Variants in SSX2IP observed in about 807,000 individuals in gnomAD.
The protein encoded by SSX2IP is SSX family member 2 interacting protein.
A neutral mutation model predicts 84.9 loss-of-function variants in SSX2IP; 55 were observed. That is an observed-to-expected ratio of 0.65 (90% CI 0.52 to 0.81). SSX2IP has a LOEUF of 0.81. SSX2IP is among the 30% of genes least tolerant of loss of function. SSX2IP has a pLI of 0.00. For missense variants in SSX2IP, 664 were observed against 705.2 expected (o/e 0.94, Z 0.66); for synonymous variants, 239 against 234.7 (o/e 1.02, Z -0.17).
At chr1:84,670,265 A>G (rs1653368221) in intron 3 of SSX2IP, 1 of 174,532 alleles carries the variant, frequency 5.7e-6, no homozygotes, top group African/African-American at 2.4e-5. Flanking sequence ...CTTTTCTTAG[A>G]AAAATAGAAA....
intron 13 of SSX2IP, among the ~76,000 whole-genome samples, chr1:84,648,871 C>T (rs2102134050): frequency 6.6e-6 from 1 of 152,288 alleles, no homozygotes; most frequent in South Asian, 2.1e-4. Context: ...CAAATCCAAG[C>T]ATTTCTTCCT....
chr1:84,681,657 A>C (rs371775327), intron 1 of SSX2IP, among the ~76,000 whole-genome samples: 57 of 152,358 alleles, frequency 3.7e-4, no homozygotes, highest in African/African-American at 1.3e-3. Flanking sequence ...ATTCAAGCAC[A>C]ATTAAATGAG....
chr1:84,667,057 C>CT (rs147814993), intron 4 of SSX2IP, among the ~76,000 whole-genome samples: 1,575 of 151,690 alleles, frequency 0.01, 23 homozygotes, highest in South Asian at 0.022. Context: ...TTTTGGCAAC[C>CT]TTTTTTTTTG....
intron 13 of SSX2IP, among the ~76,000 whole-genome samples, chr1:84,649,342 C>G (rs1023500309): frequency 2.0e-5 from 3 of 152,216 alleles, no homozygotes; most frequent in African/African-American, 7.2e-5. Flanking sequence ...GTCCCACCCT[C>G]AGGGTTCCTA....
chr1:84,662,078 T>C (rs964475307), intron 8 of SSX2IP, 120 bp downstream of exon 8: 57 of 642,724 alleles, frequency 8.9e-5, no homozygotes, highest in Middle Eastern at 8.9e-4. Flanking sequence ...GAAAGTAGCA[T>C]AGCAGTTGAG....
rs1432286846 is a variant in SSX2IP at position 84,647,023 on chromosome 1, C to T, written c.*410G>A. ...CACACTAAACATAATAAATATAGAA[C>T]TCGCTTTGTTAAAAATCTACAGTAT... On this transcript the variant is annotated 3_prime_UTR_variant, in exon 14 of 14. Transcript: ENST00000342203. The T allele has an allele frequency of 6.5e-6, 1 of 153,534 alleles. No homozygotes were observed. The highest frequency in any genetic ancestry group is 1.5e-5 in the Non-Finnish European group (1 of 68,752). The allele number at this position is 153,534 out of a possible 1,614,324, so 9.5% of individuals were successfully genotyped here.
chr1:84,686,962 C>A (rs1160954852), intron 1 of SSX2IP, among the ~76,000 whole-genome samples: 1 of 151,810 alleles, frequency 6.6e-6, no homozygotes, highest in Non-Finnish European at 1.5e-5. Flanking sequence ...CTTTATTAGA[C>A]GCTCATGGAT....
intron 4 of SSX2IP, among the ~76,000 whole-genome samples, chr1:84,668,953 CTTGGA>C (rs775629580): frequency 2.0e-5 from 3 of 152,072 alleles, no homozygotes; most frequent in African/African-American, 4.8e-5. Flanking sequence ...AAAAATTTGA[CTTGGA>C]TTGATTTATA....
intron 8 of SSX2IP, among the ~76,000 whole-genome samples, chr1:84,661,653 A>G (rs1173664753): frequency 6.6e-6 from 1 of 152,186 alleles, no homozygotes; most frequent in Non-Finnish European, 1.5e-5. Context: ...AAGAACACCC[A>G]ATAAATTTAT....
intron 8 of SSX2IP, among the ~76,000 whole-genome samples, chr1:84,660,674 A>G (rs1651816724): frequency 1.3e-5 from 2 of 151,982 alleles, no homozygotes; most frequent in Admixed American, 6.6e-5. Context: ...CTGAGGCAGG[A>G]GAATTGCTTG....
At chr1:84,669,232 A>T (rs1321993010) in intron 4 of SSX2IP, among the ~76,000 whole-genome samples, 1 of 151,826 alleles carries the variant, frequency 6.6e-6, no homozygotes, top group African/African-American at 2.4e-5. Context: ...TTTTCCAGAG[A>T]CCCAGGGCTT....
intron 1 of SSX2IP, among the ~76,000 whole-genome samples, chr1:84,681,832 G>A (rs1570727744): frequency 6.6e-6 from 1 of 152,130 alleles, no homozygotes; most frequent in Admixed American, 6.5e-5. Flanking sequence ...TCATACCTGA[G>A]GGAATGTCTG....
At position 84,643,841 on chromosome 1, in the gene SSX2IP, T is replaced by C. The variant is rs1016296703; in HGVS notation, c.*3592A>G. 2.0e-5 allele frequency: 3 copies of C among 152,176 alleles called. No homozygotes were observed. The highest frequency in any genetic ancestry group is 2.4e-5 in the African/African-American group (1 of 41,442). 9.4% of individuals were successfully genotyped at this position (152,176 alleles called of 1,614,324 possible). On this transcript the variant is annotated 3_prime_UTR_variant, in exon 14 of 14. Coordinates refer to ENST00000342203, the MANE Select transcript of SSX2IP (RefSeq NM_001166293.2). The stretch of plus-strand genomic sequence containing the variant: ...TCAGGAGCTTCATATGTCACTGACA[T>C]TACAGTACTTCCTGAGCTCTCAGGA...
chr1:84,682,354 G>A lies in SSX2IP; in HGVS notation c.-90+8017C>T, dbSNP rs572259132. Among the ~76,000 whole-genome samples the A allele has an allele frequency of 3.3e-3, 509 of 152,046 alleles. 1 individual carries two copies. The highest frequency in any genetic ancestry group is 5.7e-3 in the Non-Finnish European group (390 of 67,972). On this transcript the variant is annotated intron_variant, in intron 1 of 13. Transcript: ENST00000342203. ...GTTATGTACTGAGAAACCTTGAACC[G>A]GTCATAATTTCTTTGGGTTTCAATT...
At position 84,656,480 on chromosome 1, in the gene SSX2IP, T is replaced by TG. The variant is rs768364463; in HGVS notation, c.1082dup (p.Val363GlyfsTer7). ...CATTAAAACCTTCCAGGTGTACCTT[T>TG]GAAACTAAGACAAAATCAGTAAGTT... On this transcript the variant is annotated frameshift_variant, in exon 10 of 14. Coordinates refer to ENST00000342203, the MANE Select transcript of SSX2IP (RefSeq NM_001166293.2). LOFTEE classifies it high-confidence loss of function. The TG allele has an allele frequency of 6.2e-7, 1 of 1,610,910 alleles. No homozygotes were observed. Among genetic ancestry groups the TG allele is most frequent in the Non-Finnish European group, 8.5e-7 (1 of 1,178,698 alleles).
intron 1 of SSX2IP, among the ~76,000 whole-genome samples, chr1:84,674,249 A>T (rs1653981287): frequency 6.6e-6 from 1 of 152,170 alleles, no homozygotes; most frequent in African/African-American, 2.4e-5. Flanking sequence ...TATTTAGCAC[A>T]CTGCTTGGCA....
At chr1:84,651,679 G>T (rs973618047) in intron 12 of SSX2IP, among the ~76,000 whole-genome samples, 1 of 152,122 alleles carries the variant, frequency 6.6e-6, no homozygotes, top group Non-Finnish European at 1.5e-5. Context: ...AGTCAGCCAA[G>T]GTCACGTCAC....
intron 8 of SSX2IP, among the ~76,000 whole-genome samples, chr1:84,661,562 C>T (rs538778713): frequency 1.3e-5 from 2 of 152,248 alleles, no homozygotes; most frequent in South Asian, 4.1e-4. Context: ...CACTTCTCCA[C>T]GTCTGTCTTT....
At chr1:84,685,420 A>T (rs763796516) in intron 1 of SSX2IP, among the ~76,000 whole-genome samples, 8 of 152,254 alleles carry the variant, frequency 5.3e-5, no homozygotes, top group Non-Finnish European at 8.8e-5. Context: ...AGAGAAGCTG[A>T]TGATGAACTC....
Sources: allele counts gnomAD v4.1 joint callset (sites outside exome capture counted in the v4.1 genomes callset), GRCh38; gene constraint gnomAD v4.1.1; transcripts MANE v1.5; gene names NCBI Gene and HGNC (gene_info 2026-07-23, HGNC 2026-07-21).